Variants in CSMD1 observed in about 807,000 individuals in gnomAD.
CSMD1 encodes the protein CUB and sushi domain-containing protein 1.
In CSMD1, 213 loss-of-function variants were observed where a neutral mutation model predicts 417.5. The observed-to-expected ratio is 0.51, with a 90% confidence interval of 0.46 to 0.57. CSMD1 has a LOEUF of 0.57. CSMD1 is among the 20% of genes least tolerant of loss of function. CSMD1 has a pLI of 0.00. For missense variants in CSMD1, 6,923 were observed against 4,529.7 expected, an observed-to-expected ratio of 1.53 and a Z score of -15.17; for synonymous variants, 2,862 against 1,736.8, an observed-to-expected ratio of 1.65 and a Z score of -16.11.
At chr8:3,854,159 TAA>T (rs10712212) in intron 5 of CSMD1, among the ~76,000 whole-genome samples, 39,710 of 139,430 alleles carry the variant, frequency 0.28, 6,339 homozygotes, top group African/African-American at 0.45. Context: ...ATAATAATAA[TAA>T]AAAAAAAAAA....
intron 1 of CSMD1, among the ~76,000 whole-genome samples, chr8:4,869,682 T>C (rs1043303041): frequency 1.3e-5 from 2 of 152,024 alleles, no homozygotes; most frequent in Non-Finnish European, 2.9e-5. Flanking sequence ...GGCACCATTT[T>C]CTCTGATTAT....
chr8:4,426,248 C>G (rs777461584), intron 2 of CSMD1, among the ~76,000 whole-genome samples: 10 of 151,692 alleles, frequency 6.6e-5, no homozygotes, highest in Admixed American at 6.6e-4. Context: ...AGTAAAATAA[C>G]TTATTTTTTA....
At chr8:4,956,544 G>A (rs960786662) in intron 1 of CSMD1, among the ~76,000 whole-genome samples, 14 of 148,900 alleles carry the variant, frequency 9.4e-5, no homozygotes, top group Admixed American at 4.7e-4. Flanking sequence ...TAAAATATAT[G>A]TGTATATCAT....
intron 3 of CSMD1, among the ~76,000 whole-genome samples, chr8:4,054,189 G>C (rs75173201): frequency 6.6e-6 from 1 of 152,098 alleles, no homozygotes; most frequent in African/African-American, 2.4e-5. Context: ...CAGAACGCAC[G>C]GCCATGAGAA....
intron 2 of CSMD1, among the ~76,000 whole-genome samples, chr8:4,460,572 G>C (rs963012150): frequency 2.0e-5 from 3 of 150,982 alleles, no homozygotes; most frequent in African/African-American, 4.9e-5. Flanking sequence ...TTGCTAGACT[G>C]TTCAAGAAAT....
chr8:4,183,346 C>CA (rs1194946148), intron 3 of CSMD1, among the ~76,000 whole-genome samples: 28 of 152,194 alleles, frequency 1.8e-4, no homozygotes, highest in African/African-American at 6.5e-4. Flanking sequence ...TGATGATTAC[C>CA]ACTGAAGTAA....
chr8:4,558,051 T>A (rs1352172498), intron 2 of CSMD1, among the ~76,000 whole-genome samples: 1 of 152,188 alleles, frequency 6.6e-6, no homozygotes, highest in Non-Finnish European at 1.5e-5. Context: ...ATGCCTTATG[T>A]CATACTGACT....
intron 2 of CSMD1, among the ~76,000 whole-genome samples, chr8:4,614,571 A>C (rs977455477): frequency 2.0e-5 from 3 of 152,170 alleles, no homozygotes; most frequent in African/African-American, 7.2e-5. Context: ...GAAACCTAGA[A>C]CATAGAACAC....
chr8:4,672,101 G>A (rs150451545), intron 1 of CSMD1, among the ~76,000 whole-genome samples: 2,193 of 152,350 alleles, frequency 0.014, 25 homozygotes, highest in Non-Finnish European at 0.022. Context: ...TTTCTACAGT[G>A]ACAGGACCTG....
At chr8:3,341,614 G>A (rs2117603335) in intron 23 of CSMD1, among the ~76,000 whole-genome samples, 1 of 152,306 alleles carries the variant, frequency 6.6e-6, no homozygotes, top group Non-Finnish European at 1.5e-5. Context: ...GAGGTCCCAG[G>A]AGAGAGGGAG....
intron 2 of CSMD1, among the ~76,000 whole-genome samples, chr8:4,439,597 C>G (rs964136089): frequency 1.3e-5 from 2 of 152,060 alleles, no homozygotes; most frequent in Non-Finnish European, 2.9e-5. Flanking sequence ...TATTAACATA[C>G]TTACATATTT....
At position 3,290,869 on chromosome 8, in the gene CSMD1, A is replaced by G. The variant is rs563295103; in HGVS notation, c.3951-6523T>C. Among the ~76,000 whole-genome samples the G allele has an allele frequency of 3.3e-5, 5 of 152,022 alleles. No individual in the cohort carries two copies. The East Asian group carries it at 9.7e-4, about 29-fold the overall frequency. ...CGGAACTTCCAACACTATATTGAAT[A>G]GGAGTGGTGAGAGAGGGCATCCTGG... On this transcript the variant is annotated intron_variant, in intron 25 of 69. Coordinates refer to ENST00000635120, the MANE Select transcript of CSMD1 (RefSeq NM_033225.6).
chr8:4,017,280 C>G (rs1435031254), intron 4 of CSMD1, among the ~76,000 whole-genome samples: 2 of 152,082 alleles, frequency 1.3e-5, no homozygotes, highest in Non-Finnish European at 2.9e-5. Context: ...CTCATCATTT[C>G]TAATATCAAA....
intron 1 of CSMD1, among the ~76,000 whole-genome samples, chr8:4,777,604 A>G (rs1796930697): frequency 6.6e-6 from 1 of 152,216 alleles, no homozygotes; most frequent in Non-Finnish European, 1.5e-5. Flanking sequence ...GAATGTACAT[A>G]CCCTTTGATT....
In CSMD1 at chr8:3,541,028, G is replaced by A. The variant is rs763709669; in HGVS notation, c.1344+33917C>T. ...ATTTGACCCAGCAATCCCATTACTG[G>A]GTATATACCCAAAGGAATATAAATC... On this transcript the variant is annotated intron_variant, in intron 10 of 69. Coordinates refer to ENST00000635120, the MANE Select transcript of CSMD1 (RefSeq NM_033225.6). Among the ~76,000 whole-genome samples the A allele has an allele frequency of 7.0e-4, 107 of 152,166 alleles. No individual in the cohort carries two copies. In the Middle Eastern group the frequency reaches 0.01, roughly 15 times the overall value.
chr8:4,678,416 C>CAA lies in CSMD1; in HGVS notation c.86-40860_86-40859dup, dbSNP rs201915913. 1.6e-3 allele frequency among the ~76,000 whole-genome samples: 241 copies of CAA among 149,180 alleles called. 1 individual carries two copies. The highest frequency in any genetic ancestry group is 5.6e-3 in the African/African-American group (230 of 40,790). ...ACAGAGCAAGACTCTGTCTCAACAA[C>CAA]AAAAAAAAAGAATTTGTTAACAAAA... On this transcript the variant is annotated intron_variant, in intron 1 of 69. Transcript: ENST00000635120.
chr8:4,952,364 C>T (rs527930232), intron 1 of CSMD1, among the ~76,000 whole-genome samples: 100 of 140,508 alleles, frequency 7.1e-4, no homozygotes, highest in Non-Finnish European at 1.2e-3. Context: ...ATAATGTATG[C>T]GTTGATTCAA....
At chr8:4,229,141 C>T in intron 3 of CSMD1, among the ~76,000 whole-genome samples, 1 of 152,204 alleles carries the variant, frequency 6.6e-6, no homozygotes, top group East Asian at 1.9e-4. Context: ...GAGAATAACT[C>T]CCTTTTTCTA....
chr8:4,526,138 G>T (rs867712091), intron 2 of CSMD1, among the ~76,000 whole-genome samples: 24 of 152,146 alleles, frequency 1.6e-4, no homozygotes, highest in African/African-American at 5.6e-4. Context: ...CATAAAAAGG[G>T]AGAAAGTGTT....
Sources: gnomAD v4.1 joint callset for allele counts (sites outside exome capture counted in the v4.1 genomes callset) on GRCh38, gnomAD v4.1.1 for gene constraint, MANE v1.5 for transcripts, NCBI Gene and HGNC (gene_info 2026-07-23, HGNC 2026-07-21) for gene names.